Variants in CHAD observed in about 807,000 individuals in gnomAD.
CHAD encodes cartilage leucine-rich protein.
Under a neutral mutation model 24.0 loss-of-function variants are expected in CHAD, and 18 were observed. That is an observed-to-expected ratio of 0.75 (90% CI 0.52 to 1.11). CHAD has a LOEUF of 1.11. CHAD is among the 50% of genes most tolerant of loss of function. The probability of loss-of-function intolerance (pLI) is 0.00; values close to 1 mark genes in which losing one functional copy is unlikely to be tolerated. For synonymous variants in CHAD, 195 were observed against 211.6 expected (o/e 0.92, Z 0.68); for missense variants, 440 against 467.2 (o/e 0.94, Z 0.54).
chr17:50,467,567 C>T (rs1301716019), intron 1 of CHAD, among the ~76,000 whole-genome samples: 3 of 152,196 alleles, frequency 2.0e-5, no homozygotes, highest in Non-Finnish European at 4.4e-5. Flanking sequence ...CCTTAGCACA[C>T]ATGCACAGCC....
intron 1 of CHAD, among the ~76,000 whole-genome samples, chr17:50,466,521 C>T (rs2032741818): frequency 1.3e-5 from 2 of 152,198 alleles, no homozygotes; most frequent in Admixed American, 6.5e-5. Context: ...ACAATCCCTG[C>T]ACAAACACTG....
At chr17:50,465,174 C>T in intron 3 of CHAD, 120 bp downstream of exon 3, 1 of 1,215,414 alleles carries the variant, frequency 8.2e-7, no homozygotes, top group Non-Finnish European at 1.2e-6. Flanking sequence ...CCCCTCCTCT[C>T]TCTGTAAAAA....
Position 50,468,476 on chromosome 17 carries a change from A to G in CHAD, c.338T>C (p.Val113Ala). ...YLYLSHNDIR[V>A]LRAGAFDDLT... is the part of the protein sequence containing the mutation. ...GTCGTCGAAGGCACCTGCGCGCAGC[A>G]CGCGGATGTCGTTATGGGACAGGTA... Residue 113 changes from valine to alanine, a missense_variant, in exon 1 of 4, where the codon GTG becomes GCG. Coordinates refer to ENST00000508540, the MANE Select transcript of CHAD (RefSeq NM_001267.3). The G allele has an allele frequency of 4.3e-6, 7 of 1,614,236 alleles. No homozygotes were observed. Among genetic ancestry groups the G allele is most frequent in the Non-Finnish European group, 5.9e-6 (7 of 1,180,030 alleles).
At chr17:50,466,068 A>C (rs1026429037) in intron 1 of CHAD, among the ~76,000 whole-genome samples, 198 bp from the exon 2 acceptor site, 53 of 101,664 alleles carry the variant, frequency 5.2e-4, no homozygotes, top group African/African-American at 2.0e-3. Context: ...AGATGGTGTT[A>C]TTTTCTTTTT....
chr17:50,465,175 T>C (rs954746667), intron 3 of CHAD, 119 bp downstream of exon 3: 11 of 1,222,190 alleles, frequency 9.0e-6, no homozygotes, highest in Non-Finnish European at 1.3e-5. Flanking sequence ...CCCTCCTCTC[T>C]CTGTAAAAAT....
intron 2 of CHAD, 47 bp from the exon 3 acceptor site, chr17:50,465,486 C>G (rs1158081043): frequency 6.2e-7 from 1 of 1,606,628 alleles, no homozygotes; most frequent in Non-Finnish European, 8.5e-7. Flanking sequence ...GGTGGGAGTG[C>G]TGGGGGGAAG....
In CHAD at chr17:50,464,651, A is replaced by C; in HGVS notation, c.*403T>G. ...GGCTTTAAAACCCTTTCTGGAAGCA[A>C]GGGGTGGGGCAAGGATCTGATGATT... is the stretch of plus-strand genomic sequence containing the variant. On this transcript the variant is annotated 3_prime_UTR_variant, in exon 4 of 4. Transcript: ENST00000508540. 2.1e-6 allele frequency: 1 copy of C among 476,160 alleles called. No individual in the cohort carries two copies. The highest frequency in any genetic ancestry group is 1.5e-5 in the South Asian group (1 of 64,626). The allele number at this position is 476,160 out of a possible 1,614,324, so 29.5% of individuals were successfully genotyped here.
rs2032680120 is a variant in CHAD at position 50,465,930 on chromosome 17, C to T, written c.775-60G>A. ...GTGGTCATGAGTGAATGAGTAAGCA[C>T]CCGAGTGCCAGAGGGGCAGGATCCT... On this transcript the variant is annotated intron_variant, in intron 1 of 3. Coordinates refer to ENST00000508540, the MANE Select transcript of CHAD (RefSeq NM_001267.3). 4.4e-6 allele frequency: 7 copies of T among 1,593,600 alleles called. No individual in the cohort carries two copies. The East Asian group carries it at 1.6e-4, about 36-fold the overall frequency.
chr17:50,467,125 C>T (rs773076079), intron 1 of CHAD, among the ~76,000 whole-genome samples: 11 of 152,230 alleles, frequency 7.2e-5, no homozygotes, highest in Non-Finnish European at 1.3e-4. Context: ...GTGATTTTTC[C>T]AGTCCCAGAG....
At chr17:50,467,727 T>TGGC (rs1187148936) in intron 1 of CHAD, 2 of 286,282 alleles carry the variant, frequency 7.0e-6, no homozygotes, top group African/African-American at 4.4e-5. Context: ...CAGGAAGAGG[T>TGGC]GGCTGCTGCT....
chr17:50,464,504 A>G lies in CHAD; in HGVS notation c.*550T>C, dbSNP rs2032554876. ...GGTGGCAGGGGAGTAAATATAATACATACATACATTTATATTTATAGAAAT... is the reference window on the plus strand; with the variant it reads ...GGTGGCAGGGGAGTAAATATAATACGTACATACATTTATATTTATAGAAAT... On this transcript the variant is annotated 3_prime_UTR_variant, in exon 4 of 4. Coordinates refer to ENST00000508540, the MANE Select transcript of CHAD (RefSeq NM_001267.3). The G allele has an allele frequency of 1.4e-6, 1 of 690,478 alleles. No individual in the cohort carries two copies. The highest frequency in any genetic ancestry group is 2.6e-6 in the Non-Finnish European group (1 of 377,866). 42.8% of individuals were successfully genotyped at this position (690,478 alleles called of 1,614,324 possible).
At chr17:50,467,758 C>A in intron 1 of CHAD, 1 of 354,918 alleles carries the variant, frequency 2.8e-6, no homozygotes, top group South Asian at 9.3e-5. Flanking sequence ...GGTTTGGAAG[C>A]ACTGGAGATG....
At chr17:50,465,081 C>T (rs2032609717) in intron 3 of CHAD, 32 bp from the exon 4 acceptor site, 1 of 597,892 alleles carries the variant, frequency 1.7e-6, no homozygotes, top group Admixed American at 3.0e-5. Flanking sequence ...TGTCAGTACT[C>T]CAACAACACA....
At position 50,468,606 on chromosome 17, in the gene CHAD, A is replaced by C. The variant is rs1325543902; in HGVS notation, c.208T>G (p.Ser70Ala). 1 of 1,614,196 alleles carries C rather than the reference A, an allele frequency of 6.2e-7. No homozygotes were observed. The highest frequency in any genetic ancestry group is 1.6e-4 in the Middle Eastern group (1 of 6,062). The change falls in exon 1 of 4, where the codon TCG (serine) becomes GCG (alanine). Residue 70 changes from serine to alanine, a missense_variant. Coordinates refer to ENST00000508540, the MANE Select transcript of CHAD (RefSeq NM_001267.3). The part of the protein sequence containing the change: ...RNNFPVLAAN[S>A]FRAMPNLVSL... ...ACGAGGTTCGGCATGGCCCGGAACG[A>C]ATTGGCAGCCAGCACCGGGAAGTTG... is the stretch of plus-strand genomic sequence containing the variant.
intron 3 of CHAD, 100 bp from the exon 4 acceptor site, chr17:50,465,149 A>G: frequency 1.1e-6 from 1 of 900,478 alleles, no homozygotes; most frequent in Non-Finnish European, 1.7e-6. Flanking sequence ...TCCCTTCAAC[A>G]GGGGACCCAG....
intron 3 of CHAD, 80 bp from the exon 4 acceptor site, chr17:50,465,129 G>C (rs999698128): frequency 3.5e-4 from 253 of 714,534 alleles, no homozygotes; most frequent in Non-Finnish European, 4.0e-4. Context: ...TCCTGGGCAG[G>C]ACCTTTTCCT....
chr17:50,465,470 G>C (rs1250949217), intron 2 of CHAD, 31 bp from the exon 3 acceptor site: 1 of 1,612,094 alleles, frequency 6.2e-7, no homozygotes, highest in Non-Finnish European at 8.5e-7. Context: ...TGGGGCTGGG[G>C]AAGAAGGTGG....
chr17:50,468,196 C>T lies in CHAD; in HGVS notation c.618G>A (p.Gln206=). The change falls in exon 1 of 4, where the codon CAG becomes CAA. Residue 206 remains glutamine (Q), a synonymous_variant. Coordinates refer to ENST00000508540, the MANE Select transcript of CHAD (RefSeq NM_001267.3). ...GGGCAGCTGAGGGGTAGCTGGACAG[C>T]TGGTTCCTGTCCACGTGGAATTTGG... ...NLAKFHVDRN[Q]LSSYPSAALS... is the part of the protein sequence containing the mutation. 1.2e-6 allele frequency: 2 copies of T among 1,613,904 alleles called. No homozygotes were observed. The highest frequency in any genetic ancestry group is 1.7e-6 in the Non-Finnish European group (2 of 1,179,816).
rs867799068 is a variant in CHAD, at chr17:50,467,870, G to A, written c.774+170C>T. On this transcript the variant is annotated intron_variant, in intron 1 of 3. Transcript: ENST00000508540. Reference sequence around the variant, plus strand: ...AGACTGGCAGCAGACAGGGATTAGGGTAGGGATGTGACAAGGCGAGGAAGG... The same window carrying A: ...AGACTGGCAGCAGACAGGGATTAGGATAGGGATGTGACAAGGCGAGGAAGG... 9 of 623,682 alleles carry A rather than the reference G, an allele frequency of 1.4e-5. No homozygotes were observed. In the Middle Eastern group the frequency reaches 1.1e-3, roughly 79 times the overall value. The allele number at this position is 623,682 out of a possible 1,614,324, so 38.6% of individuals were successfully genotyped here. A position where few individuals can be genotyped will look rare whatever the true frequency, so the allele number is the denominator to read the frequency against.
Sources: gnomAD v4.1 joint callset for allele counts (sites outside exome capture counted in the v4.1 genomes callset) on GRCh38, gnomAD v4.1.1 for gene constraint, MANE v1.5 for transcripts, NCBI Gene and HGNC (gene_info 2026-07-23, HGNC 2026-07-21) for gene names.